Variants in BASP1 observed in about 807,000 individuals in gnomAD.
BASP1 encodes brain acid soluble protein 1.
In BASP1, 1 loss-of-function variant was observed where a neutral mutation model predicts 2.2. The ratio of observed to expected loss-of-function variants is 0.46; its 90% CI spans 0.16 to 2.17. The LOEUF (loss-of-function observed/expected upper bound fraction) is 2.17, where lower values mean the gene tolerates loss of function less well. Ranked by LOEUF, BASP1 falls within the 30% of genes most tolerant of loss-of-function variation. The pLI, the probability that BASP1 is intolerant of heterozygous loss-of-function variation, is 0.27. For missense variants in BASP1, 352 were observed against 327.2 expected (o/e 1.08, Z -0.58); for synonymous variants, 187 against 154.2 (o/e 1.21, Z -1.58).
At position 17,251,366 on chromosome 5, in the gene BASP1, A is replaced by G. The variant is rs1455117751; in HGVS notation, c.-9-23842A>G. On this transcript the variant is annotated intron_variant, in intron 1 of 1. Transcript: ENST00000322611. The surrounding 1 kb of genome is among the most constrained non-coding windows in gnomAD (Gnocchi z 4.0). ...AAATACCCTGATTTTATTATTACAC[A>G]TTGTATACAAGTATCAACATATCAC... is the stretch of plus-strand genomic sequence containing the variant. Among the ~76,000 whole-genome samples the G allele has an allele frequency of 1.3e-5, 2 of 152,232 alleles. No individual in the cohort carries two copies. The highest frequency in any genetic ancestry group is 4.8e-5 in the African/African-American group (2 of 41,468).
upstream of BASP1, chr5:17,217,006 G>C (rs549739125): frequency 6.6e-6 from 1 of 151,608 alleles, no homozygotes; most frequent in African/African-American, 2.4e-5. Flanking sequence ...CTAAGTCTGA[G>C]CGAGAGCCCG....
chr5:17,232,537 T>C (rs995154383), intron 1 of BASP1, among the ~76,000 whole-genome samples: 2 of 152,204 alleles, frequency 1.3e-5, no homozygotes, highest in Non-Finnish European at 2.9e-5. Flanking sequence ...TGGATGTCAG[T>C]TTCTAGCACC....
At chr5:17,218,006 T>TG (rs1280313776) in intron 1 of BASP1, among the ~76,000 whole-genome samples, 196 bp downstream of exon 1, 2 of 147,332 alleles carry the variant, frequency 1.4e-5, no homozygotes, top group African/African-American at 5.0e-5. Flanking sequence ...TCCCGGGTGA[T>TG]GGGGGGCCCA....
intron 1 of BASP1, among the ~76,000 whole-genome samples, chr5:17,248,140 CT>C (rs1332185695): frequency 6.6e-6 from 1 of 152,144 alleles, no homozygotes; most frequent in African/African-American, 2.4e-5. Flanking sequence ...CAATGGTTAC[CT>C]GTAGTCAGTC....
At chr5:17,229,949 A>T (rs1190307108) in intron 1 of BASP1, among the ~76,000 whole-genome samples, 1 of 151,874 alleles carries the variant, frequency 6.6e-6, no homozygotes, top group Non-Finnish European at 1.5e-5. Context: ...CGCCCAGCTA[A>T]TTTTTTTGTA....
At chr5:17,268,859 G>A (rs2056951241) in intron 1 of BASP1, among the ~76,000 whole-genome samples, 1 of 152,032 alleles carries the variant, frequency 6.6e-6, no homozygotes, top group Non-Finnish European at 1.5e-5. Flanking sequence ...TTCTTTTTGG[G>A]GGGTTTGCTA....
At chr5:17,228,491 A>T (rs1295469584) in intron 1 of BASP1, among the ~76,000 whole-genome samples, 1 of 152,230 alleles carries the variant, frequency 6.6e-6, no homozygotes, top group Non-Finnish European at 1.5e-5. Flanking sequence ...CTTAAAAGTG[A>T]ATTTAACAAA....
At chr5:17,261,757 C>G (rs1740319617) in intron 1 of BASP1, among the ~76,000 whole-genome samples, 1 of 152,186 alleles carries the variant, frequency 6.6e-6, no homozygotes. Flanking sequence ...TTGTCTCATC[C>G]TATCTTCCCA....
intron 1 of BASP1, among the ~76,000 whole-genome samples, chr5:17,227,302 C>T (rs1290409960): frequency 6.6e-6 from 1 of 152,040 alleles, no homozygotes; most frequent in Non-Finnish European, 1.5e-5. Context: ...TCACCACAAC[C>T]TCTGCCTCCT....
intron 1 of BASP1, among the ~76,000 whole-genome samples, chr5:17,227,433 G>A (rs949594422): frequency 3.4e-5 from 5 of 145,088 alleles, no homozygotes; most frequent in African/African-American, 1.3e-4. Context: ...ACAGAGTCTC[G>A]CCGTGTCGCC....
At chr5:17,253,863 C>T (rs894758182) in intron 1 of BASP1, among the ~76,000 whole-genome samples, 2 of 151,830 alleles carry the variant, frequency 1.3e-5, no homozygotes, top group African/African-American at 4.8e-5. Flanking sequence ...ATGAGAAGAC[C>T]ACCGACACAT....
At chr5:17,274,039 A>C (rs1015068707) in intron 1 of BASP1, among the ~76,000 whole-genome samples, 1 of 152,106 alleles carries the variant, frequency 6.6e-6, no homozygotes, top group African/African-American at 2.4e-5. Flanking sequence ...ATTATTTATA[A>C]ATTTATAATT....
intron 1 of BASP1, among the ~76,000 whole-genome samples, chr5:17,233,079 C>G (rs1191734900): frequency 6.6e-6 from 1 of 152,186 alleles, no homozygotes; most frequent in Non-Finnish European, 1.5e-5. Flanking sequence ...CTAGTTCTAG[C>G]AATACAATTT....
chr5:17,232,114 C>T (rs1388702690), intron 1 of BASP1, among the ~76,000 whole-genome samples: 2 of 152,200 alleles, frequency 1.3e-5, no homozygotes, highest in African/African-American at 2.4e-5. Flanking sequence ...ACTGATGGCT[C>T]ATGCATCTGA....
intron 1 of BASP1, among the ~76,000 whole-genome samples, chr5:17,255,288 A>G (rs1278129874): frequency 6.6e-6 from 1 of 152,204 alleles, no homozygotes; most frequent in Non-Finnish European, 1.5e-5. Flanking sequence ...TGCTGTTCTA[A>G]CAAAAATCCT....
intron 1 of BASP1, among the ~76,000 whole-genome samples, chr5:17,252,607 A>G (rs1359592213): frequency 6.6e-6 from 1 of 152,210 alleles, no homozygotes; most frequent in Non-Finnish European, 1.5e-5. Flanking sequence ...CGTGCTGTGT[A>G]GCAACCTGTC....
At chr5:17,235,529 T>C (rs765909197) in intron 1 of BASP1, among the ~76,000 whole-genome samples, 6 of 152,182 alleles carry the variant, frequency 3.9e-5, no homozygotes, top group Non-Finnish European at 7.4e-5. Flanking sequence ...CCCAAAGTGC[T>C]AGGATTACAG....
In BASP1 at chr5:17,276,084, C is replaced by A. The variant is rs914180818; in HGVS notation, c.*184C>A. The A allele has an allele frequency of 2.5e-6, 1 of 393,786 alleles. No homozygotes were observed. The allele number at this position is 393,786 out of a possible 1,614,324, so 24.4% of individuals were successfully genotyped here. ...GATATGTATTGCCCAAGGAAAAATA[C>A]AGGATGTTGTCCCATCAAGGGAGGG... On this transcript the variant is annotated 3_prime_UTR_variant, in exon 2 of 2. Transcript: ENST00000322611.
chr5:17,243,082 C>T (rs1203935012), intron 1 of BASP1, among the ~76,000 whole-genome samples: 1 of 151,504 alleles, frequency 6.6e-6, no homozygotes, highest in Non-Finnish European at 1.5e-5. Flanking sequence ...TTGCCCCCAG[C>T]AAGTTGACAT....
Sources: allele counts gnomAD v4.1 joint callset (sites outside exome capture counted in the v4.1 genomes callset), GRCh38; gene constraint gnomAD v4.1.1; non-coding constraint Gnocchi (gnomAD v3.1); transcripts MANE v1.5; gene names NCBI Gene and HGNC (gene_info 2026-07-23, HGNC 2026-07-21).